The following FBXO16 variants were observed in gnomAD, a reference collection of about 807,000 sequenced individuals.
The protein encoded by FBXO16 is F-box only protein 16.
Under a neutral mutation model 41.0 loss-of-function variants are expected in FBXO16, and 31 were observed. The observed-to-expected ratio is 0.76, with a 90% CI of 0.57 to 1.02. The LOEUF (loss-of-function observed/expected upper bound fraction) is 1.02. Among genes scored for constraint, FBXO16 ranks in the 50% least tolerant of loss-of-function variants. FBXO16 has a pLI of 0.00. For missense variants in FBXO16, 361 were observed against 346.2 expected (o/e 1.04, Z -0.34); for synonymous variants, 133 against 117.8 (o/e 1.13, Z -0.84).
At chr8:28,468,388 CTGAA>C (rs1446439314) in intron 3 of FBXO16, among the ~76,000 whole-genome samples, 1 of 152,154 alleles carries the variant, frequency 6.6e-6, no homozygotes, top group African/African-American at 2.4e-5. Flanking sequence ...CCACCTCACA[CTGAA>C]TGGCAAAAAG....
chr8:28,442,235 G>A (rs1239960853), intron 7 of FBXO16, among the ~76,000 whole-genome samples: 1 of 151,928 alleles, frequency 6.6e-6, no homozygotes. Context: ...ACTGTGCCCG[G>A]CCGGAATTTG....
At position 28,457,273 on chromosome 8, in the gene FBXO16, G is replaced by A. The variant is rs115129072; in HGVS notation, c.343-343C>T. Among the ~76,000 whole-genome samples, 673 of 152,150 alleles carry A rather than the reference G, an allele frequency of 4.4e-3. 5 individuals are homozygous for A. Among genetic ancestry groups the A allele is most frequent in the African/African-American group, 0.016 (644 of 41,518 alleles). ...GGAAATTGAGGCTCAGATAGACTTC[G>A]GAACTTTCTAGAGGTTTCTGAAGGT... is the stretch of plus-strand genomic sequence containing the variant. On this transcript the variant is annotated intron_variant, in intron 4 of 8. Coordinates refer to ENST00000380254, the MANE Select transcript of FBXO16 (RefSeq NM_172366.4).
intron 2 of FBXO16, among the ~76,000 whole-genome samples, chr8:28,474,157 C>T (rs1803380895): frequency 6.6e-6 from 1 of 151,272 alleles, no homozygotes; most frequent in Non-Finnish European, 1.5e-5. Context: ...GACTCTATCT[C>T]TACAAAAATA....
intron 4 of FBXO16, among the ~76,000 whole-genome samples, chr8:28,459,651 AATAATAATAATAATAAT>A (rs1484767878): frequency 6.8e-6 from 1 of 147,556 alleles, no homozygotes; most frequent in African/African-American, 2.5e-5. Context: ...TAATAATAAT[AATAATAATAATAATAAT>A]GCATCATATA....
rs756016710 is a variant in FBXO16 at position 28,447,260 on chromosome 8, TTC to T, written c.752_753del (p.Arg251LysfsTer13). 3.1e-6 allele frequency: 5 copies of T among 1,612,022 alleles called. No homozygotes were observed. In the Admixed American group the frequency reaches 6.7e-5, roughly 22 times the overall value. ...METVQQGRRK[R>X]NQMTPDFSRQ... ...CGGCTGAAGTCTGGGGTCATTTGGT[TTC>T]TTTTTCTTCTTCTGTAAATTGGAAA... On this transcript the variant is annotated frameshift_variant, in exon 7 of 9. Transcript: ENST00000380254. LOFTEE classifies it high-confidence loss of function.
intron 2 of FBXO16, among the ~76,000 whole-genome samples, chr8:28,481,785 G>T (rs1328933038): frequency 6.8e-6 from 1 of 146,008 alleles, no homozygotes; most frequent in Non-Finnish European, 1.5e-5. Flanking sequence ...ACTCCAGTCT[G>T]GTGACACAGT....
intron 1 of FBXO16, among the ~76,000 whole-genome samples, chr8:28,486,471 G>C (rs531913278): frequency 3.3e-5 from 5 of 152,104 alleles, no homozygotes; most frequent in African/African-American, 1.2e-4. Context: ...TGATCCACCA[G>C]CCTAAGCCTC....
chr8:28,467,904 A>AT (rs139571411), intron 3 of FBXO16, among the ~76,000 whole-genome samples: 3,848 of 152,234 alleles, frequency 0.025, 67 homozygotes, highest in African/African-American at 0.051. Context: ...GCCTCAAGGG[A>AT]TTTTCCTTTC....
In FBXO16 at chr8:28,428,563, A is replaced by G; in HGVS notation, c.*164T>C. On this transcript the variant is annotated 3_prime_UTR_variant, in exon 9 of 9. Coordinates refer to ENST00000380254, the MANE Select transcript of FBXO16 (RefSeq NM_172366.4). ...CTATAATAAAAGTCTTTCCATGTTC[A>G]GTCCACTTTGGCTCTGGAACCTGGA... 1 of 1,549,534 alleles carries G rather than the reference A, an allele frequency of 6.5e-7. No homozygotes were observed. The highest frequency in any genetic ancestry group is 8.7e-7 in the Non-Finnish European group (1 of 1,146,770).
At chr8:28,440,518 A>G (rs1052561073) in intron 7 of FBXO16, among the ~76,000 whole-genome samples, 11 of 152,198 alleles carry the variant, frequency 7.2e-5, no homozygotes, top group African/African-American at 2.7e-4. Context: ...TCATTCCACA[A>G]TATGATCCAG....
chr8:28,429,252 A>G (rs1802572068), intron 8 of FBXO16, 126 bp downstream of exon 8: 1 of 1,056,502 alleles, frequency 9.5e-7, no homozygotes, highest in Middle Eastern at 2.1e-4. Context: ...CAAAGTGCTG[A>G]GATTATCAGC....
At chr8:28,461,106 A>G (rs1803127709) in intron 4 of FBXO16, among the ~76,000 whole-genome samples, 1 of 146,516 alleles carries the variant, frequency 6.8e-6, no homozygotes, top group African/African-American at 2.5e-5. Flanking sequence ...TTTTTTACCA[A>G]TGACGCGTCG....
intron 4 of FBXO16, among the ~76,000 whole-genome samples, chr8:28,458,884 G>T (rs189908892): frequency 6.6e-6 from 1 of 152,254 alleles, no homozygotes; most frequent in Admixed American, 6.5e-5. Context: ...GAATTGAAAG[G>T]TAAGTAAGAG....
intron 5 of FBXO16, 49 bp from the exon 6 acceptor site, chr8:28,452,525 G>A (rs1458417536): frequency 1.3e-6 from 2 of 1,576,544 alleles, no homozygotes; most frequent in Non-Finnish European, 1.7e-6. Flanking sequence ...AATACGCTGG[G>A]TGCGGTGGCT....
At chr8:28,447,108 G>T in intron 7 of FBXO16, 63 bp downstream of exon 7, 1 of 1,441,292 alleles carries the variant, frequency 6.9e-7, no homozygotes. Context: ...TTGCAAATAG[G>T]ATTAGAGATC....
intron 2 of FBXO16, among the ~76,000 whole-genome samples, chr8:28,475,269 T>C (rs7833886): frequency 0.024 from 3,620 of 152,244 alleles, 125 homozygotes; most frequent in African/African-American, 0.083. Context: ...ACATACAAAA[T>C]AGGAATTGAA....
rs377408798 is a variant in FBXO16, at chr8:28,460,223, GTGTATA to G, written c.343-3299_343-3294del. ...CATACAGTAACAAATATATATGTGT[GTGTATA>G]TATATATATATATATATTTTTTTTT... On this transcript the variant is annotated intron_variant, in intron 4 of 8. Transcript: ENST00000380254. Among the ~76,000 whole-genome samples the G allele has an allele frequency of 8.9e-3, 796 of 89,636 alleles. 17 individuals carry two copies. Among genetic ancestry groups the G allele is most frequent in the African/African-American group, 0.043 (766 of 17,766 alleles). 58.8% of individuals were successfully genotyped at this position (89,636 alleles called of 152,430 possible). A position where few individuals can be genotyped will look rare whatever the true frequency, so the allele number is the denominator to read the frequency against.
At chr8:28,451,994 C>CA (rs753582333) in intron 6 of FBXO16, among the ~76,000 whole-genome samples, 9,499 of 95,810 alleles carry the variant, frequency 0.099, 626 homozygotes, top group African/African-American at 0.21. Context: ...GACTACGTCT[C>CA]AAAAAAAAAA....
At chr8:28,475,885 C>T (rs888003823) in intron 2 of FBXO16, among the ~76,000 whole-genome samples, 14 of 152,110 alleles carry the variant, frequency 9.2e-5, no homozygotes, top group Non-Finnish European at 5.9e-5. Context: ...GTTCGATTCC[C>T]ATATTTTAGA....
Sources: gnomAD v4.1 joint callset for allele counts (sites outside exome capture counted in the v4.1 genomes callset) on GRCh38, gnomAD v4.1.1 for gene constraint, MANE v1.5 for transcripts, NCBI Gene and HGNC (gene_info 2026-07-23, HGNC 2026-07-21) for gene names.